EMID1: variants seen among roughly 807,000 people sequenced by gnomAD.
EMID1 encodes the protein EMI domain-containing protein 1.
EMID1 carries 40 observed loss-of-function variants against 60.6 expected under a neutral mutation model. That is an observed-to-expected ratio of 0.66 (90% CI 0.51 to 0.86). The LOEUF is 0.86. EMID1 is among the 40% of genes least tolerant of loss of function. The pLI is 0.00. For synonymous variants in EMID1, 242 were observed against 231.0 expected (o/e 1.05, Z -0.43); for missense variants, 585 against 597.1 (o/e 0.98, Z 0.21).
chr22:29,212,399 G>C (rs976064673), intron 1 of EMID1, among the ~76,000 whole-genome samples: 3 of 150,990 alleles, frequency 2.0e-5, no homozygotes, highest in African/African-American at 7.3e-5. Flanking sequence ...GCCTCCAAAA[G>C]GGCTGAAATC....
rs1287407545 is a variant in EMID1 at position 29,259,025 on chromosome 22, C to T, written c.*81C>T. The T allele has an allele frequency of 3.3e-5, 50 of 1,534,352 alleles. No homozygotes were observed. In the South Asian group the frequency reaches 3.9e-4, roughly 12 times the overall value. The stretch of plus-strand genomic sequence containing the variant: ...CGGCCAGCTGCCTCCAGGGACCGCC[C>T]GTCCATATTTATTAATGTCCTCAGG... On this transcript the variant is annotated 3_prime_UTR_variant, in exon 15 of 15. Transcript: ENST00000334018.
intron 14 of EMID1, among the ~76,000 whole-genome samples, chr22:29,257,118 G>A (rs1013596844): frequency 6.6e-6 from 1 of 152,146 alleles, no homozygotes; most frequent in Non-Finnish European, 1.5e-5. Flanking sequence ...GACAGCCCAG[G>A]GAGAAAAGTG....
At chr22:29,240,244 G>A (rs1426407970) in intron 12 of EMID1, among the ~76,000 whole-genome samples, 1 of 152,186 alleles carries the variant, frequency 6.6e-6, no homozygotes, top group East Asian at 1.9e-4. Context: ...TCTAGAGGGA[G>A]TTAGAGTTGG....
At chr22:29,213,711 G>C (rs2039978456) in intron 1 of EMID1, among the ~76,000 whole-genome samples, 1 of 152,160 alleles carries the variant, frequency 6.6e-6, no homozygotes, top group Non-Finnish European at 1.5e-5. Flanking sequence ...AGGAGGGATG[G>C]TTTCAGGTGA....
At chr22:29,232,942 A>G (rs2040810237) in intron 8 of EMID1, 1 of 211,506 alleles carries the variant, frequency 4.7e-6, no homozygotes, top group Admixed American at 5.2e-5. Flanking sequence ...AACCCAGCAC[A>G]CCATTCATTC....
chr22:29,245,839 C>T (rs1195868531), intron 13 of EMID1, among the ~76,000 whole-genome samples: 1 of 152,154 alleles, frequency 6.6e-6, no homozygotes, highest in African/African-American at 2.4e-5. Context: ...CAGAGAGAAT[C>T]CTTGGCAGAG....
intron 1 of EMID1, among the ~76,000 whole-genome samples, chr22:29,213,981 C>T (rs1387262566): frequency 1.3e-5 from 2 of 152,204 alleles, no homozygotes; most frequent in South Asian, 2.1e-4. Flanking sequence ...TCAGTTTCCC[C>T]TCTGTAAAAA....
chr22:29,216,722 T>G, intron 3 of EMID1: 2 of 927,536 alleles, frequency 2.2e-6, no homozygotes, highest in Non-Finnish European at 2.6e-6. Context: ...CCCAGTGAGG[T>G]GGAGTGGAGT....
At chr22:29,251,274 G>T (rs4369970) in intron 13 of EMID1, among the ~76,000 whole-genome samples, 87,787 of 151,290 alleles carry the variant, frequency 0.58, 25,696 homozygotes, top group Middle Eastern at 0.66. Context: ...TAGAGATGGG[G>T]TTTCGTCATG....
chr22:29,224,056 C>T (rs2040402148), intron 3 of EMID1, among the ~76,000 whole-genome samples: 1 of 152,240 alleles, frequency 6.6e-6, no homozygotes, highest in African/African-American at 2.4e-5. Context: ...GATTAGCCCC[C>T]TGTGCCTGGG....
chr22:29,233,076 A>T (rs2040814505), intron 8 of EMID1: 1 of 418,560 alleles, frequency 2.4e-6, no homozygotes, highest in African/African-American at 2.0e-5. Context: ...GTGGTGGATA[A>T]ATGGTATCTT....
chr22:29,259,032 A>G lies in EMID1; in HGVS notation c.*88A>G. 1.3e-6 allele frequency: 2 copies of G among 1,529,772 alleles called. No individual in the cohort carries two copies. Among genetic ancestry groups the G allele is most frequent in the Non-Finnish European group, 1.8e-6 (2 of 1,140,022 alleles). 94.8% of individuals were successfully genotyped at this position (1,529,772 alleles called of 1,614,324 possible). The stretch of plus-strand genomic sequence containing the variant: ...CTGCCTCCAGGGACCGCCCGTCCAT[A>G]TTTATTAATGTCCTCAGGGTCCCTT... On this transcript the variant is annotated 3_prime_UTR_variant, in exon 15 of 15. Transcript: ENST00000334018.
intron 3 of EMID1, among the ~76,000 whole-genome samples, chr22:29,217,824 TC>T (rs1431537839): frequency 6.6e-6 from 1 of 152,148 alleles, no homozygotes; most frequent in African/African-American, 2.4e-5. Context: ...CTGCCCTTCC[TC>T]CCACAGTTGG....
At chr22:29,234,676 G>A (rs899197990) in intron 12 of EMID1, among the ~76,000 whole-genome samples, 15 of 151,928 alleles carry the variant, frequency 9.9e-5, no homozygotes, top group Admixed American at 2.0e-4. Context: ...TTTGCTTTAC[G>A]TATTTTGAGT....
chr22:29,230,338 A>G (rs116022692), intron 5 of EMID1, among the ~76,000 whole-genome samples: 70,113 of 128,834 alleles, frequency 0.54, 17,529 homozygotes, highest in Non-Finnish European at 0.59. Context: ...CCATCTTGGA[A>G]AAAAAAAAAA....
intron 7 of EMID1, chr22:29,231,966 G>A: frequency 1.7e-6 from 1 of 575,988 alleles, no homozygotes; most frequent in Non-Finnish European, 3.1e-6. Context: ...CATGCTGCTG[G>A]GAGCAGGGCT....
intron 3 of EMID1, among the ~76,000 whole-genome samples, chr22:29,223,619 C>A (rs1182896600): frequency 3.9e-5 from 6 of 152,248 alleles, no homozygotes; most frequent in Non-Finnish European, 5.9e-5. Flanking sequence ...AGGCTTGGGA[C>A]TGTCCCGTGG....
intron 4 of EMID1, 22 bp downstream of exon 4, chr22:29,225,238 T>C (rs372650099): frequency 1.1e-4 from 179 of 1,612,320 alleles, no homozygotes; most frequent in Non-Finnish European, 1.4e-4. Context: ...GATAGCTTCT[T>C]GAGGTCCCCC....
chr22:29,248,449 C>G (rs1360593120), intron 13 of EMID1, among the ~76,000 whole-genome samples: 3 of 152,118 alleles, frequency 2.0e-5, no homozygotes, highest in African/African-American at 4.8e-5. Context: ...ATAACAATGC[C>G]TTCTTCTGGA....
Sources: gnomAD v4.1 joint callset for allele counts (sites outside exome capture counted in the v4.1 genomes callset) on GRCh38, gnomAD v4.1.1 for gene constraint, MANE v1.5 for transcripts, NCBI Gene and HGNC (gene_info 2026-07-23, HGNC 2026-07-21) for gene names.